The following MSMO1 variants were observed in gnomAD, a reference collection of about 807,000 sequenced individuals.
MSMO1 encodes C-4 methylsterol oxidase.
Under a neutral mutation model 30.4 loss-of-function variants are expected in MSMO1, and 18 were observed. The ratio of observed to expected loss-of-function variants is 0.59; its 90% confidence interval spans 0.41 to 0.88. The LOEUF (loss-of-function observed/expected upper bound fraction) is 0.88, where lower values mean the gene tolerates loss of function less well. Ranked by LOEUF, MSMO1 falls within the 40% of genes least tolerant of loss-of-function variation. The pLI is 0.00. For synonymous variants in MSMO1, 84 were observed against 107.9 expected (o/e 0.78, Z 1.37); for missense variants, 284 against 340.5 (o/e 0.83, Z 1.31).
At position 165,340,208 on chromosome 4, in the gene MSMO1, CT is replaced by C; in HGVS notation, c.532-12del. 3.7e-6 allele frequency: 6 copies of C among 1,612,590 alleles called. No individual in the cohort carries two copies. The highest frequency in any genetic ancestry group is 5.1e-6 in the Non-Finnish European group (6 of 1,179,272). On this transcript the variant is annotated splice_polypyrimidine_tract_variant and intron_variant, in intron 4 of 5. Coordinates refer to ENST00000261507, the MANE Select transcript of MSMO1 (RefSeq NM_006745.5). ...AGCTAAGAAATTAAGAATTTCTTAT[CT>C]GTTTGTCTTAGGCTCCATTTGGAAT...
chr4:165,331,954 T>TA (rs1747404375), intron 1 of MSMO1, among the ~76,000 whole-genome samples: 3 of 148,114 alleles, frequency 2.0e-5, no homozygotes, highest in African/African-American at 7.9e-5. Context: ...CGTAACACTC[T>TA]CCCCTACCCC....
intron 2 of MSMO1, 101 bp downstream of exon 2, chr4:165,333,726 A>C (rs989492558): frequency 4.9e-5 from 62 of 1,264,904 alleles, no homozygotes; most frequent in Non-Finnish European, 6.2e-5. Context: ...AGTGATATCC[A>C]ATAGAAATAT....
chr4:165,337,967 C>A lies in MSMO1; in HGVS notation c.404+30C>A, dbSNP rs762192063. 3 of 1,598,298 alleles carry A rather than the reference C, an allele frequency of 1.9e-6. No homozygotes were observed. In the African/African-American group the frequency reaches 4.0e-5, roughly 21 times the overall value. On this transcript the variant is annotated intron_variant, in intron 3 of 5. Coordinates refer to ENST00000261507, the MANE Select transcript of MSMO1 (RefSeq NM_006745.5). ...GTAGATAAAAATTTGGCTTTTACAC[C>A]CAATTGTGGCTTATTCAGTTAAGTT...
intron 1 of MSMO1, among the ~76,000 whole-genome samples, chr4:165,332,299 G>C (rs1992184): frequency 0.042 from 6,337 of 152,270 alleles, 435 homozygotes; most frequent in African/African-American, 0.14. Context: ...CTGTATCTTA[G>C]ACATCTTTCT....
In MSMO1 at chr4:165,333,416, G is replaced by C. The variant is rs539123454; in HGVS notation, c.46G>C (p.Ala16Pro). The C allele has an allele frequency of 1.2e-6, 2 of 1,612,060 alleles. No individual in the cohort carries two copies. Among genetic ancestry groups the C allele is most frequent in the South Asian group, 2.2e-5 (2 of 90,928 alleles). ...CAGCATCTTTAGTTCAGCATCCTTG[G>C]CTGTGGAATATGTAGATTCACTTTT... ...SVSIFSSASL[A>P]VEYVDSLLPE... The change falls in exon 2 of 6, where the codon GCT (alanine) becomes CCT (proline). Residue 16 changes from alanine (A) to proline (P), a missense_variant. Physicochemically the swap from Ala to Pro is conservative, Grantham distance 27. Transcript: ENST00000261507.
intron 2 of MSMO1, 55 bp downstream of exon 2, chr4:165,333,680 A>G: frequency 6.7e-7 from 1 of 1,493,160 alleles, no homozygotes; most frequent in South Asian, 1.3e-5. Context: ...TGAATATTTT[A>G]AAAGTACATA....
At chr4:165,339,443 G>A (rs1422074267) in intron 4 of MSMO1, among the ~76,000 whole-genome samples, 1 of 152,132 alleles carries the variant, frequency 6.6e-6, no homozygotes, top group African/African-American at 2.4e-5. Context: ...AACTGGTTAT[G>A]TGAGTATGTT....
intron 3 of MSMO1, among the ~76,000 whole-genome samples, chr4:165,338,412 G>A (rs1338311243): frequency 6.6e-6 from 1 of 151,762 alleles, no homozygotes; most frequent in East Asian, 1.9e-4. Context: ...CATGAGGCAA[G>A]TTGTGTGAAC....
rs756643811 is a variant in MSMO1, at chr4:165,340,343, C to T, written c.654C>T (p.Thr218=). The change falls in exon 5 of 6, where the codon ACC becomes ACT. Residue 218 remains threonine, a synonymous_variant. Transcript: ENST00000261507. ...TAATTCTTCTTTGGGCATGGGTGAC[C>T]ATTCGTTTATTAGAAACTATTGATG... The part of the protein sequence containing the change: ...DHVILLWAWV[T]IRLLETIDVH... The T allele has an allele frequency of 6.2e-7, 1 of 1,613,656 alleles. No individual in the cohort carries two copies.
chr4:165,336,634 G>A (rs1324782587), intron 2 of MSMO1, among the ~76,000 whole-genome samples: 1 of 152,184 alleles, frequency 6.6e-6, no homozygotes, highest in Non-Finnish European at 1.5e-5. Flanking sequence ...ACAGAGTGGA[G>A]GTTTAGAGGA....
intron 2 of MSMO1, 21 bp downstream of exon 2, chr4:165,333,646 A>G (rs1259380486): frequency 1.3e-6 from 2 of 1,550,262 alleles, no homozygotes; most frequent in African/African-American, 2.8e-5. Context: ...GGGACTAGAA[A>G]TAGAATATTA....
intron 1 of MSMO1, among the ~76,000 whole-genome samples, chr4:165,328,580 T>G (rs1421043158): frequency 1.3e-5 from 2 of 152,238 alleles, no homozygotes; most frequent in Non-Finnish European, 2.9e-5. Flanking sequence ...AGAGACTGGC[T>G]GACAGCTAAA....
At chr4:165,337,458 A>G (rs965692002) in intron 2 of MSMO1, among the ~76,000 whole-genome samples, 15 of 152,238 alleles carry the variant, frequency 9.9e-5, no homozygotes, top group Non-Finnish European at 4.4e-5. Flanking sequence ...CAGTAATCTT[A>G]GCATATTATA....
intron 5 of MSMO1, 63 bp from the exon 6 acceptor site, chr4:165,341,688 A>C: frequency 6.9e-7 from 1 of 1,451,568 alleles, no homozygotes. Context: ...ATGATTATTA[A>C]TAAAAACAAC....
At position 165,327,935 on chromosome 4, in the gene MSMO1, G is replaced by A. The variant is rs187495702; in HGVS notation, c.-32+171G>A. 162 of 152,564 alleles carry A rather than the reference G, an allele frequency of 1.1e-3. 1 individual carries two copies. Among genetic ancestry groups the A allele is most frequent in the African/African-American group, 1.9e-3 (79 of 41,588 alleles). 9.5% of individuals were successfully genotyped at this position (152,564 alleles called of 1,614,324 possible). Reference sequence around the variant, plus strand: ...CGGAAGGAGACTGGAGTGAAGGTGGGCCTAGGCTAAGGTACGTGCTAGAAA... The same window carrying A: ...CGGAAGGAGACTGGAGTGAAGGTGGACCTAGGCTAAGGTACGTGCTAGAAA... On this transcript the variant is annotated intron_variant, in intron 1 of 5. Transcript: ENST00000261507.
chr4:165,338,355 T>C lies in MSMO1; in HGVS notation c.405-297T>C, dbSNP rs4353858. ...ACACACATATATATATACACACACA[T>C]ATATATACTCATGCGTCACTTAACG... is the stretch of plus-strand genomic sequence containing the variant. On this transcript the variant is annotated intron_variant, in intron 3 of 5. Transcript: ENST00000261507. Among the ~76,000 whole-genome samples the C allele has an allele frequency of 0.23, 35,169 of 150,448 alleles. 5,047 individuals carry two copies. The highest frequency in any genetic ancestry group is 0.33 in the Non-Finnish European group (22,403 of 67,592).
intron 1 of MSMO1, 109 bp from the exon 2 acceptor site, chr4:165,333,231 C>T (rs1426237258): frequency 2.3e-6 from 2 of 852,548 alleles, no homozygotes; most frequent in Admixed American, 3.3e-5. Context: ...AAAATTTATA[C>T]TCCTTTAGTA....
chr4:165,334,672 A>C (rs903015397), intron 2 of MSMO1, among the ~76,000 whole-genome samples: 3 of 152,210 alleles, frequency 2.0e-5, no homozygotes, highest in African/African-American at 7.2e-5. Context: ...GCTTGACGTG[A>C]GAATTTGGAG....
chr4:165,338,800 T>A (rs1747634485), intron 4 of MSMO1, 22 bp downstream of exon 4: 8 of 1,559,622 alleles, frequency 5.1e-6, no homozygotes, highest in Non-Finnish European at 7.0e-6. Context: ...TTATATTTAA[T>A]TCTTTCTGTT....
Sources: allele counts gnomAD v4.1 joint callset (sites outside exome capture counted in the v4.1 genomes callset), GRCh38; gene constraint gnomAD v4.1.1; transcripts MANE v1.5; gene names NCBI Gene and HGNC (gene_info 2026-07-23, HGNC 2026-07-21).